OR1F1: variants seen among roughly 807,000 people sequenced by gnomAD.
The protein encoded by OR1F1 is olfactory receptor 1F1.
For missense variants in OR1F1, 493 were observed against 376.3 expected (o/e 1.31, Z -2.57); for synonymous variants, 184 against 156.7 (o/e 1.17, Z -1.30).
the OR1F1 span, among the ~76,000 whole-genome samples, chr16:3,194,320 C>T: frequency 2.6e-5 from 4 of 152,042 alleles, no homozygotes; most frequent in African/African-American, 9.7e-5. Context: ...TAGAAAGCAC[C>T]CCTTGTATAC....
chr16:3,205,155 A>G (rs897769901), exon 1 of OR1F1: 2 of 1,611,406 alleles, frequency 1.2e-6, no homozygotes, highest in Non-Finnish European at 8.5e-7. Context: ...CTCTGAAAAA[A>G]GTAGTTGGCA....
At chr16:3,189,550 C>T in the OR1F1 span, among the ~76,000 whole-genome samples, 2 of 152,204 alleles carry the variant, frequency 1.3e-5, no homozygotes, top group African/African-American at 2.4e-5. Context: ...TAAGATTCTA[C>T]TCACTGGGTC....
the OR1F1 span, among the ~76,000 whole-genome samples, chr16:3,192,848 G>A: frequency 6.6e-6 from 1 of 152,150 alleles, no homozygotes; most frequent in African/African-American, 2.4e-5. Flanking sequence ...TTGAGCTTTT[G>A]GCGGTCCGGT....
At chr16:3,195,414 A>T in the OR1F1 span, among the ~76,000 whole-genome samples, 1 of 152,222 alleles carries the variant, frequency 6.6e-6, no homozygotes, top group African/African-American at 2.4e-5. Context: ...GTGAGAAAGG[A>T]AACAGGGCCC....
chr16:3,196,740 T>G, the OR1F1 span, among the ~76,000 whole-genome samples: 1 of 150,912 alleles, frequency 6.6e-6, no homozygotes, highest in African/African-American at 2.4e-5. Context: ...TCGCTGTTGT[T>G]GCCCAGGCTG....
In OR1F1 at chr16:3,204,421, A is replaced by G. The variant is rs368384694; in HGVS notation, c.175A>G (p.Met59Val). Residue 59 changes from methionine to valine, a missense_variant, in exon 1 of 1, where the codon ATG becomes GTG. Coordinates refer to ENST00000304646, the Ensembl canonical transcript of OR1F1. ...CATAGACTCCTGCCTGCACACCCCC[A>G]TGTACTTCTTCCTCAGCAACCTGTC... The G allele has an allele frequency of 1.9e-6, 3 of 1,613,898 alleles. No homozygotes were observed. The highest frequency in any genetic ancestry group is 2.5e-6 in the Non-Finnish European group (3 of 1,179,962).
exon 1 of OR1F1, chr16:3,204,783 C>T (rs61731438): frequency 2.4e-5 from 38 of 1,614,144 alleles, no homozygotes; most frequent in South Asian, 4.4e-5. Flanking sequence ...ACTTCTTCTG[C>T]GATGTGACTC....
At chr16:3,194,224 G>C in the OR1F1 span, among the ~76,000 whole-genome samples, 1 of 152,136 alleles carries the variant, frequency 6.6e-6, no homozygotes, top group South Asian at 2.1e-4. Flanking sequence ...GCAATGTACA[G>C]CTTTTGTATA....
downstream of OR1F1, among the ~76,000 whole-genome samples, chr16:3,206,421 C>T (rs1444900965): frequency 6.6e-6 from 1 of 152,120 alleles, no homozygotes; most frequent in South Asian, 2.1e-4. Flanking sequence ...CCCTTTGACA[C>T]CTGTGATCTC....
At chr16:3,199,254 G>C (rs1470793618), upstream of OR1F1, among the ~76,000 whole-genome samples, 2 of 150,820 alleles carry the variant, frequency 1.3e-5, no homozygotes, top group Non-Finnish European at 2.9e-5. Flanking sequence ...AGTGAGCTGT[G>C]TTCATACCAC....
downstream of OR1F1, among the ~76,000 whole-genome samples, chr16:3,205,516 A>G (rs1178705873): frequency 6.7e-6 from 1 of 148,836 alleles, no homozygotes; most frequent in Non-Finnish European, 1.5e-5. Flanking sequence ...GAGTCTCTCT[A>G]TGTCGCCAGG....
exon 1 of OR1F1, chr16:3,204,438 C>A (rs1958175825): frequency 1.9e-6 from 3 of 1,614,186 alleles, no homozygotes; most frequent in Non-Finnish European, 2.5e-6. Flanking sequence ...TCTTCCTCAG[C>A]AACCTGTCTT....
At chr16:3,206,412 C>T (rs902680652), downstream of OR1F1, among the ~76,000 whole-genome samples, 27 of 151,968 alleles carry the variant, frequency 1.8e-4, no homozygotes, top group African/African-American at 6.0e-4. Context: ...TCCTTTTTGC[C>T]CTTTGACACC....
upstream of OR1F1, among the ~76,000 whole-genome samples, chr16:3,199,518 T>C (rs1596323778): frequency 3.3e-5 from 5 of 151,936 alleles, no homozygotes; most frequent in South Asian, 1.0e-3. Context: ...CCAGGTGTGT[T>C]GATGGTCTCA....
chr16:3,196,793 C>T, the OR1F1 span, among the ~76,000 whole-genome samples: 1 of 150,432 alleles, frequency 6.6e-6, no homozygotes, highest in Non-Finnish European at 1.5e-5. Flanking sequence ...TGGGTTCAAG[C>T]AAGTCTCCAG....
At chr16:3,197,388 T>C in the OR1F1 span, among the ~76,000 whole-genome samples, 1 of 152,184 alleles carries the variant, frequency 6.6e-6, no homozygotes, top group East Asian at 1.9e-4. Flanking sequence ...ATATATACAT[T>C]ATCAATGAGA....
chr16:3,195,166 G>T, the OR1F1 span, among the ~76,000 whole-genome samples: 2 of 152,150 alleles, frequency 1.3e-5, no homozygotes, highest in South Asian at 4.1e-4. Context: ...CAGACCCTGC[G>T]CCTCCGGCGC....
downstream of OR1F1, among the ~76,000 whole-genome samples, chr16:3,206,115 C>G (rs552823765): frequency 6.6e-6 from 1 of 152,294 alleles, no homozygotes; most frequent in Non-Finnish European, 1.5e-5. Context: ...CGGGGGAGGT[C>G]TATAAATGGC....
the OR1F1 span, among the ~76,000 whole-genome samples, chr16:3,195,454 G>C: frequency 0.022 from 3,274 of 152,024 alleles, 116 homozygotes; most frequent in African/African-American, 0.072. Flanking sequence ...GCAAGGCCGG[G>C]AGATTACCTG....
Sources: allele counts gnomAD v4.1 joint callset (sites outside exome capture counted in the v4.1 genomes callset), GRCh38; gene constraint gnomAD v4.1.1; transcripts MANE v1.5; gene names NCBI Gene and HGNC (gene_info 2026-07-23, HGNC 2026-07-21).